Variants in GSPT1 observed in about 807,000 individuals in gnomAD.
GSPT1 encodes the protein eukaryotic peptide chain release factor GTP-binding subunit ERF3A.
Under a neutral mutation model 72.5 loss-of-function variants are expected in GSPT1, and 20 were observed. The ratio of observed to expected loss-of-function variants is 0.28; its 90% CI spans 0.19 to 0.40. The LOEUF is 0.40. GSPT1 is among the 10% of genes least tolerant of loss of function. GSPT1 has a pLI of 1.00. For synonymous variants in GSPT1, 334 were observed against 293.5 expected (o/e 1.14, Z -1.41); for missense variants, 580 against 811.9 (o/e 0.71, Z 3.47).
At chr16:11,904,708 C>G (rs973202042) in intron 1 of GSPT1, among the ~76,000 whole-genome samples, 1 of 151,784 alleles carries the variant, frequency 6.6e-6, no homozygotes, top group Non-Finnish European at 1.5e-5. Flanking sequence ...GTTTTAAACA[C>G]AAATGTTTGG....
chr16:11,876,266 T>C lies in GSPT1; in HGVS notation c.1603-91A>G, dbSNP rs1025537198. On this transcript the variant is annotated intron_variant, in intron 12 of 14. Transcript: ENST00000434724. ...GCGCCATATAAATCCCAAGAATTAG[T>C]GTTACCATCTCACTAGGACATCAAC... The C allele has an allele frequency of 2.0e-4, 160 of 814,588 alleles. 1 individual carries two copies. In the East Asian group the frequency reaches 3.2e-3, roughly 16 times the overall value. 50.5% of individuals were successfully genotyped at this position (814,588 alleles called of 1,614,324 possible). A position where few individuals can be genotyped will look rare whatever the true frequency, so the allele number is the denominator to read the frequency against.
intron 1 of GSPT1, among the ~76,000 whole-genome samples, chr16:11,905,286 G>T (rs2054474468): frequency 6.6e-6 from 1 of 152,208 alleles, no homozygotes; most frequent in African/African-American, 2.4e-5. Flanking sequence ...GCCACATGTG[G>T]TTATTAAGCG....
intron 5 of GSPT1, among the ~76,000 whole-genome samples, chr16:11,893,956 A>T (rs1596467469): frequency 6.6e-6 from 1 of 151,904 alleles, no homozygotes; most frequent in Non-Finnish European, 1.5e-5. Flanking sequence ...AGAGGTCAAG[A>T]CCAGCCTGGG....
At chr16:11,909,635 C>T (rs760648567) in intron 1 of GSPT1, among the ~76,000 whole-genome samples, 4 of 152,080 alleles carry the variant, frequency 2.6e-5, no homozygotes, top group African/African-American at 4.8e-5. Flanking sequence ...CTTAAAAATA[C>T]AAAACTTGGC....
intron 1 of GSPT1, among the ~76,000 whole-genome samples, chr16:11,903,078 C>T (rs1227211216): frequency 6.6e-6 from 1 of 152,088 alleles, no homozygotes; most frequent in East Asian, 1.9e-4. Context: ...ACTGCCCATA[C>T]TCTCTCCTAG....
rs116608261 is a variant in GSPT1, at chr16:11,904,821, C to T, written c.353-6786G>A. Among the ~76,000 whole-genome samples the T allele has an allele frequency of 7.6e-3, 1,152 of 152,304 alleles. 10 individuals are homozygous for T. The highest frequency in any genetic ancestry group is 0.027 in the African/African-American group (1,104 of 41,548). ...AATCTTCAAGCCGGGTGTAGTGGCT[C>T]ATGCCTGTAAAACCAACACTCTGGG... On this transcript the variant is annotated intron_variant, in intron 1 of 14. Coordinates refer to ENST00000434724, the MANE Select transcript of GSPT1 (RefSeq NM_002094.4).
intron 14 of GSPT1, among the ~76,000 whole-genome samples, chr16:11,875,352 C>G (rs1231163938): frequency 6.6e-6 from 1 of 152,060 alleles, no homozygotes; most frequent in African/African-American, 2.4e-5. Flanking sequence ...CTGCGTCACC[C>G]AGAGGTAGGC....
At chr16:11,897,754 T>TA (rs1273657776) in intron 3 of GSPT1, 86 bp downstream of exon 3, 1 of 730,486 alleles carries the variant, frequency 1.4e-6, no homozygotes, top group Non-Finnish European at 2.5e-6. Context: ...GGCATTACAA[T>TA]AATCGTAACT....
At chr16:11,895,203 G>A in intron 4 of GSPT1, 1 of 411,058 alleles carries the variant, frequency 2.4e-6, no homozygotes, top group Non-Finnish European at 4.6e-6. Context: ...GGCCAGCGAG[G>A]GCGGATGACC....
intron 7 of GSPT1, 108 bp downstream of exon 7, chr16:11,887,462 A>T: frequency 1.2e-6 from 1 of 865,102 alleles, no homozygotes; most frequent in Middle Eastern, 3.4e-4. Context: ...GTACATCATT[A>T]TATTTCACTG....
intron 5 of GSPT1, among the ~76,000 whole-genome samples, chr16:11,892,519 A>T (rs1179792469): frequency 1.4e-5 from 2 of 142,696 alleles, no homozygotes; most frequent in African/African-American, 5.6e-5. Context: ...AAAAACAAAA[A>T]AAACAAAAAA....
rs112414439 is a variant in GSPT1, at chr16:11,891,553, G to T, written c.699-414C>A. On this transcript the variant is annotated intron_variant, in intron 5 of 14. Transcript: ENST00000434724. ...ATTTTTGTACTTGTAGTAAAGATGG[G>T]GTTTCATTACGTTGGCCAGGCTGGT... is the stretch of plus-strand genomic sequence containing the variant. Among the ~76,000 whole-genome samples the T allele has an allele frequency of 6.1e-3, 919 of 151,512 alleles. 13 individuals carry two copies. The highest frequency in any genetic ancestry group is 0.021 in the African/African-American group (863 of 41,326).
intron 3 of GSPT1, among the ~76,000 whole-genome samples, chr16:11,897,372 G>A (rs984443835): frequency 6.6e-6 from 1 of 152,140 alleles, no homozygotes; most frequent in African/African-American, 2.4e-5. Flanking sequence ...GGATCACGAG[G>A]TCAGGAGTTC....
intron 6 of GSPT1, among the ~76,000 whole-genome samples, chr16:11,889,921 T>G (rs955647731): frequency 2.6e-5 from 4 of 151,786 alleles, no homozygotes; most frequent in African/African-American, 9.7e-5. Flanking sequence ...GATTACAGGC[T>G]TGAGTCACCG....
chr16:11,880,575 C>G (rs911736843), intron 11 of GSPT1, among the ~76,000 whole-genome samples: 1 of 152,208 alleles, frequency 6.6e-6, no homozygotes, highest in Non-Finnish European at 1.5e-5. Flanking sequence ...ATCCTCCTGC[C>G]TCAGCTTTTC....
intron 1 of GSPT1, among the ~76,000 whole-genome samples, chr16:11,901,400 C>G (rs1302316824): frequency 6.6e-6 from 1 of 152,066 alleles, no homozygotes; most frequent in Non-Finnish European, 1.5e-5. Flanking sequence ...GAAGTTAGAA[C>G]CCTCTCAAGG....
At chr16:11,915,068 C>A (rs1343462183) in intron 1 of GSPT1, 1 of 1,291,546 alleles carries the variant, frequency 7.7e-7, no homozygotes, top group Non-Finnish European at 1.0e-6. Flanking sequence ...CCGTTCCATA[C>A]GGTTCCCATC....
chr16:11,901,072 G>A (rs1483645988), intron 1 of GSPT1, among the ~76,000 whole-genome samples: 1 of 152,192 alleles, frequency 6.6e-6, no homozygotes, highest in Non-Finnish European at 1.5e-5. Flanking sequence ...TGCTCCGGGG[G>A]CTGAGCCTGG....
intron 5 of GSPT1, among the ~76,000 whole-genome samples, chr16:11,894,239 GAC>G (rs1461724181): frequency 1.4e-5 from 2 of 140,808 alleles, no homozygotes; most frequent in South Asian, 2.3e-4. Flanking sequence ...GTCCTCTGAT[GAC>G]ACAGTTCAAA....
Sources: allele counts gnomAD v4.1 joint callset (sites outside exome capture counted in the v4.1 genomes callset), GRCh38; gene constraint gnomAD v4.1.1; transcripts MANE v1.5; gene names NCBI Gene and HGNC (gene_info 2026-07-23, HGNC 2026-07-21).